RIT2: variants seen among roughly 807,000 people sequenced by gnomAD.
The protein encoded by RIT2 is Ras like without CAAX 2, also known as GTP-binding protein Rit2.
In RIT2, 24 loss-of-function variants were observed where a neutral mutation model predicts 23.7. The observed-to-expected ratio is 1.01, with a 90% CI of 0.73 to 1.43. The LOEUF (loss-of-function observed/expected upper bound fraction) is 1.43. Among genes scored for constraint, RIT2 ranks in the 40% most tolerant of loss-of-function variants. The probability of loss-of-function intolerance (pLI) is 0.00; values close to 1 mark genes in which losing one functional copy is unlikely to be tolerated. For synonymous variants in RIT2, 107 were observed against 91.1 expected (o/e 1.17, Z -0.99); for missense variants, 236 against 266.9 (o/e 0.88, Z 0.81).
intron 4 of RIT2, among the ~76,000 whole-genome samples, chr18:42,828,592 G>A (rs1216001002): frequency 6.6e-6 from 1 of 152,178 alleles, no homozygotes; most frequent in Non-Finnish European, 1.5e-5. Context: ...GAATCAGTCA[G>A]GTTAGGCAAT....
chr18:42,983,164 T>C lies in RIT2; in HGVS notation c.161-9017A>G, dbSNP rs187101707. The stretch of plus-strand genomic sequence containing the variant: ...GATGTGGGCAAGGGATACAGACACA[T>C]AGATAGATAGAACAGAACAGAGAAT... On this transcript the variant is annotated intron_variant, in intron 2 of 4. Coordinates refer to ENST00000326695, the MANE Select transcript of RIT2 (RefSeq NM_002930.4). Among the ~76,000 whole-genome samples, 29 of 152,012 alleles carry C rather than the reference T, an allele frequency of 1.9e-4. No individual in the cohort carries two copies. In the East Asian group the frequency reaches 5.0e-3, roughly 26 times the overall value.
At chr18:43,066,714 T>A (rs547627884) in intron 1 of RIT2, among the ~76,000 whole-genome samples, 1 of 152,132 alleles carries the variant, frequency 6.6e-6, no homozygotes, top group African/African-American at 2.4e-5. Context: ...TAACCTAACT[T>A]GGAGGCCAGA....
chr18:42,859,765 G>A (rs541865477), intron 4 of RIT2, among the ~76,000 whole-genome samples: 6 of 150,794 alleles, frequency 4.0e-5, no homozygotes, highest in African/African-American at 1.5e-4. Flanking sequence ...TTTAACAGTA[G>A]TTCAAGTTAA....
chr18:42,747,841 A>C (rs1299090782), intron 4 of RIT2, among the ~76,000 whole-genome samples: 1 of 152,014 alleles, frequency 6.6e-6, no homozygotes, highest in Admixed American at 6.6e-5. Context: ...CCACACGTAG[A>C]AGAATGAAAC....
intron 4 of RIT2, among the ~76,000 whole-genome samples, chr18:42,820,220 A>G (rs917581194): frequency 6.6e-6 from 1 of 152,122 alleles, no homozygotes; most frequent in African/African-American, 2.4e-5. Flanking sequence ...CCTTTAGTTC[A>G]GCATTGACTG....
chr18:42,961,057 A>G (rs1910084345), intron 3 of RIT2, among the ~76,000 whole-genome samples: 3 of 152,326 alleles, frequency 2.0e-5, no homozygotes, highest in African/African-American at 4.8e-5. Flanking sequence ...GGCACATTTC[A>G]AAACTATTAT....
chr18:43,094,246 T>G (rs1913497766), intron 1 of RIT2, among the ~76,000 whole-genome samples: 2 of 151,554 alleles, frequency 1.3e-5, no homozygotes, highest in Middle Eastern at 3.4e-3. Context: ...TTCATAACAT[T>G]GAATATAATA....
chr18:42,839,873 C>T (rs1355981572), intron 4 of RIT2, among the ~76,000 whole-genome samples: 2 of 152,172 alleles, frequency 1.3e-5, no homozygotes, highest in East Asian at 1.9e-4. Context: ...AGCCATTCCA[C>T]TCTATGTCAG....
intron 3 of RIT2, among the ~76,000 whole-genome samples, chr18:42,959,285 A>G (rs1380453004): frequency 6.6e-6 from 1 of 152,200 alleles, no homozygotes; most frequent in Non-Finnish European, 1.5e-5. Flanking sequence ...CTGTAAGGAC[A>G]TTGCCAATAT....
chr18:42,863,733 A>G (rs1422031767), intron 4 of RIT2, among the ~76,000 whole-genome samples: 1 of 152,170 alleles, frequency 6.6e-6, no homozygotes, highest in Non-Finnish European at 1.5e-5. Flanking sequence ...CACTAGTGCC[A>G]GGTGAAGTAT....
intron 2 of RIT2, among the ~76,000 whole-genome samples, chr18:43,010,462 T>A (rs1911325390): frequency 6.6e-6 from 1 of 151,850 alleles, no homozygotes; most frequent in African/African-American, 2.4e-5. Context: ...CATCTCAATT[T>A]AATTGACATT....
At chr18:42,967,102 A>G (rs922001116) in intron 3 of RIT2, among the ~76,000 whole-genome samples, 2 of 152,092 alleles carry the variant, frequency 1.3e-5, no homozygotes, top group African/African-American at 2.4e-5. Context: ...AGAATTAGGG[A>G]AGAAAAAACT....
intron 3 of RIT2, among the ~76,000 whole-genome samples, chr18:42,964,054 G>C (rs561878416): frequency 6.6e-6 from 1 of 151,894 alleles, no homozygotes; most frequent in African/African-American, 2.4e-5. Flanking sequence ...AGCTGGGCGC[G>C]GTGATGTGCA....
intron 2 of RIT2, among the ~76,000 whole-genome samples, chr18:42,982,924 C>A (rs1009124747): frequency 2.0e-5 from 3 of 151,980 alleles, no homozygotes; most frequent in African/African-American, 4.8e-5. Context: ...CATGATTTAA[C>A]AAAATTCTTG....
chr18:42,929,960 T>A (rs1271000035), intron 3 of RIT2, among the ~76,000 whole-genome samples: 12 of 152,096 alleles, frequency 7.9e-5, no homozygotes, highest in Admixed American at 7.9e-4. Flanking sequence ...AGATGGATGT[T>A]CCAGGAGTTG....
intron 4 of RIT2, among the ~76,000 whole-genome samples, chr18:42,754,356 G>T (rs761369077): frequency 2.6e-5 from 4 of 152,180 alleles, no homozygotes; most frequent in Non-Finnish European, 4.4e-5. Flanking sequence ...AAGAGTAGGA[G>T]TCAACAGAGG....
chr18:43,106,116 G>A (rs1160572496), intron 1 of RIT2, among the ~76,000 whole-genome samples: 4 of 152,270 alleles, frequency 2.6e-5, no homozygotes, highest in African/African-American at 9.6e-5. Context: ...TGGGTTTAGT[G>A]AGACTTAATA....
chr18:42,930,772 G>C (rs943282147), intron 3 of RIT2, among the ~76,000 whole-genome samples: 1 of 152,026 alleles, frequency 6.6e-6, no homozygotes, highest in Non-Finnish European at 1.5e-5. Context: ...ATCTAAATGG[G>C]GTAGTTGTGA....
intron 3 of RIT2, among the ~76,000 whole-genome samples, chr18:42,928,466 C>A (rs149342933): frequency 2.6e-4 from 39 of 152,114 alleles, no homozygotes; most frequent in Non-Finnish European, 4.6e-4. Context: ...TCTTAAATAG[C>A]CTTTCATAGT....
Sources: allele counts gnomAD v4.1 joint callset (sites outside exome capture counted in the v4.1 genomes callset), GRCh38; gene constraint gnomAD v4.1.1; transcripts MANE v1.5; gene names NCBI Gene and HGNC (gene_info 2026-07-23, HGNC 2026-07-21).